Variants in RCN2 observed in about 807,000 individuals in gnomAD.
RCN2 encodes reticulocalbin 2.
RCN2 carries 23 observed loss-of-function variants against 37.5 expected under a neutral mutation model. The observed-to-expected ratio is 0.61, with a 90% CI of 0.44 to 0.87. The LOEUF (loss-of-function observed/expected upper bound fraction) is 0.87, where lower values mean the gene tolerates loss of function less well. RCN2 is among the 40% of genes least tolerant of loss of function. The pLI is 0.00. For missense variants in RCN2, 381 were observed against 390.4 expected (o/e 0.98, Z 0.20); for synonymous variants, 140 against 144.6 (o/e 0.97, Z 0.23).
intron 6 of RCN2, 79 bp from the exon 7 acceptor site, chr15:76,948,991 C>A: frequency 1.5e-6 from 2 of 1,292,394 alleles, no homozygotes; most frequent in Non-Finnish European, 1.1e-6. Context: ...ATGATTTTGA[C>A]AAGTCAAATC....
chr15:76,948,589 T>TC, intron 6 of RCN2, 37 bp downstream of exon 6: 8 of 1,469,060 alleles, frequency 5.4e-6, no homozygotes, highest in African/African-American at 1.4e-5. Flanking sequence ...CTCCACCCCC[T>TC]CCCCCCGAAT....
rs558448797 is a variant in RCN2 at position 76,951,184 on chromosome 15, A to T, written c.*1962A>T. ...TATTTCAATCCTTTGCAGAAATGCA[A>T]TGTCTGTACTACTTTCCTTCCTAGC... On this transcript the variant is annotated 3_prime_UTR_variant, in exon 7 of 7. Transcript: ENST00000394885. 6.6e-6 allele frequency: 1 copy of T among 152,402 alleles called. No homozygotes were observed. The highest frequency in any genetic ancestry group is 1.5e-5 in the Non-Finnish European group (1 of 68,038). The allele number at this position is 152,402 out of a possible 1,614,324, so 9.4% of individuals were successfully genotyped here. A position where few individuals can be genotyped will look rare whatever the true frequency, so the allele number is the denominator to read the frequency against.
At position 76,948,541 on chromosome 15, in the gene RCN2, G is replaced by A. The variant is rs751566644; in HGVS notation, c.790G>A (p.Ala264Thr). ...GGTAGTACCTAATAATCAGGGCATTGCACAAGAGGAGGTAAGTGTTACAGA... is the reference window on the plus strand; with the variant it reads ...GGTAGTACCTAATAATCAGGGCATTACACAAGAGGAGGTAAGTGTTACAGA... ...PWVVPNNQGI[A>T]QEEALHLIDE... Residue 264 changes from alanine to threonine, a missense_variant, in exon 6 of 7, where the codon GCA becomes ACA. By Grantham distance (58) the Ala-to-Thr change is moderately conservative. Coordinates refer to ENST00000394885, the MANE Select transcript of RCN2 (RefSeq NM_002902.3). 3.8e-6 allele frequency: 6 copies of A among 1,572,932 alleles called. No individual in the cohort carries two copies. The highest frequency in any genetic ancestry group is 1.8e-5 in the Admixed American group (1 of 55,072).
intron 4 of RCN2, among the ~76,000 whole-genome samples, chr15:76,945,755 A>G (rs957898368): frequency 3.3e-5 from 5 of 152,242 alleles, no homozygotes; most frequent in Admixed American, 6.5e-5. Flanking sequence ...GCTGCCTTGC[A>G]TAACAAGGCT....
chr15:76,943,640 A>G, intron 3 of RCN2, 118 bp from the exon 4 acceptor site: 2 of 607,760 alleles, frequency 3.3e-6, no homozygotes, highest in East Asian at 2.8e-5. Flanking sequence ...CTTCAAAGGG[A>G]CGATGTGAAG....
At chr15:76,936,541 T>C (rs1203926096) in intron 3 of RCN2, among the ~76,000 whole-genome samples, 1 of 152,178 alleles carries the variant, frequency 6.6e-6, no homozygotes, top group African/African-American at 2.4e-5. Flanking sequence ...ACCCCTGATC[T>C]GATAGGAGGC....
intron 3 of RCN2, chr15:76,941,903 A>G (rs993540349): frequency 3.7e-5 from 14 of 374,978 alleles, no homozygotes; most frequent in African/African-American, 2.7e-4. Context: ...AAATCAAAGC[A>G]CTTGGTATTT....
chr15:76,934,748 C>T (rs1349509529), intron 2 of RCN2, among the ~76,000 whole-genome samples: 3 of 152,132 alleles, frequency 2.0e-5, no homozygotes, highest in Non-Finnish European at 4.4e-5. Context: ...GACTTTATGT[C>T]ACCTTCATAA....
rs1275735875 is a variant in RCN2 at position 76,953,261 on chromosome 15, G to A, written c.*4039G>A. On this transcript the variant is annotated 3_prime_UTR_variant, in exon 7 of 7. Transcript: ENST00000394885. ...ATTCTAGTTTGTGTCTATTAAAATA[G>A]ACTCATATAGTATTTGTCTTTTTGT... 1 of 151,994 alleles carries A rather than the reference G, an allele frequency of 6.6e-6. No individual in the cohort carries two copies. Among genetic ancestry groups the A allele is most frequent in the Non-Finnish European group, 1.5e-5 (1 of 68,014 alleles). 9.4% of individuals were successfully genotyped at this position (151,994 alleles called of 1,614,324 possible).
At chr15:76,937,741 G>A (rs1229265588) in intron 3 of RCN2, among the ~76,000 whole-genome samples, 1 of 152,078 alleles carries the variant, frequency 6.6e-6, no homozygotes, top group African/African-American at 2.4e-5. Context: ...TTTAGTATCT[G>A]TGTGAGTTCT....
At chr15:76,938,686 A>G (rs2075263643) in intron 3 of RCN2, 9 of 452,756 alleles carry the variant, frequency 2.0e-5, no homozygotes, top group Non-Finnish European at 4.0e-5. Flanking sequence ...GTAAGCCACC[A>G]CTAACTCTAA....
At chr15:76,932,138 C>T (rs567587709) in intron 1 of RCN2, among the ~76,000 whole-genome samples, 153 bp downstream of exon 1, 13 of 152,206 alleles carry the variant, frequency 8.5e-5, no homozygotes, top group African/African-American at 3.1e-4. Context: ...CTCTGGGGGT[C>T]CTGGGGCCTG....
In RCN2 at chr15:76,948,439, G is replaced by T. The variant is rs927154815; in HGVS notation, c.688G>T (p.Val230Phe). 6.2e-7 allele frequency: 1 copy of T among 1,606,878 alleles called. No homozygotes were observed. Among genetic ancestry groups the T allele is most frequent in the Non-Finnish European group, 8.5e-7 (1 of 1,176,124 alleles). Residue 230 changes from valine to phenylalanine, a missense_variant, in exon 6 of 7, where the codon GTT becomes TTT. Coordinates refer to ENST00000394885, the MANE Select transcript of RCN2 (RefSeq NM_002902.3). ...TANEDPEWIL[V>F]EKDRFVNDYD... ...AAATGAAGATCCAGAATGGATACTT[G>T]TTGAGAAAGACAGATTCGTGAATGA... is the stretch of plus-strand genomic sequence containing the variant.
Position 76,932,402 on chromosome 15 carries a change from G to A in RCN2, c.186G>A (p.Gln62=). ...ATGTTAAACTCGGCCACGAAGAGCA[G>A]CAAAAAAGACTGCAGGCGATCATAA... ...DEYVKLGHEE[Q]QKRLQAIIKK... is the part of the protein sequence containing the mutation. Residue 62 remains glutamine (Q), a synonymous_variant, in exon 2 of 7, where the codon CAG becomes CAA. Coordinates refer to ENST00000394885, the MANE Select transcript of RCN2 (RefSeq NM_002902.3). The A allele has an allele frequency of 6.2e-7, 1 of 1,613,908 alleles. No individual in the cohort carries two copies. The highest frequency in any genetic ancestry group is 8.5e-7 in the Non-Finnish European group (1 of 1,179,888).
At chr15:76,934,868 A>T (rs905476722) in intron 2 of RCN2, among the ~76,000 whole-genome samples, 3 of 152,210 alleles carry the variant, frequency 2.0e-5, no homozygotes, top group Non-Finnish European at 2.9e-5. Context: ...AAGATTTTGG[A>T]TAACATTTTT....
At chr15:76,942,706 C>G (rs1246902421) in intron 3 of RCN2, 1 of 152,224 alleles carries the variant, frequency 6.6e-6, no homozygotes, top group Non-Finnish European at 1.5e-5. Flanking sequence ...TTTTGGGAGG[C>G]TGAGGCAGGT....
chr15:76,953,569 ATATATATATATATATATATATATATTTTT>A lies in RCN2; in HGVS notation c.*4349_*4377del. 1 of 13,648 alleles carries A rather than the reference ATATATATATATATATATATATATATTTTT, an allele frequency of 7.3e-5. No homozygotes were observed. The highest frequency in any genetic ancestry group is 1.4e-4 in the Non-Finnish European group (1 of 7,340). 0.8% of individuals were successfully genotyped at this position (13,648 alleles called of 1,614,324 possible). On this transcript the variant is annotated 3_prime_UTR_variant, in exon 7 of 7. Coordinates refer to ENST00000394885, the MANE Select transcript of RCN2 (RefSeq NM_002902.3). ...ATATAGTAATTCTATATATATATAT[ATATATATATATATATATATATATATTTTT>A]TTTTTTTTTTTTTTTTTTTTTTTTT...
At chr15:76,943,056 C>G (rs2075282171) in intron 3 of RCN2, 1 of 152,126 alleles carries the variant, frequency 6.6e-6, no homozygotes, top group Non-Finnish European at 1.5e-5. Flanking sequence ...TTTGAAAAGT[C>G]ACTTAGAGGA....
intron 2 of RCN2, among the ~76,000 whole-genome samples, chr15:76,933,830 A>G (rs2075235473): frequency 6.6e-6 from 1 of 152,134 alleles, no homozygotes; most frequent in South Asian, 2.1e-4. Flanking sequence ...AATTTTGGCA[A>G]TTTGCTCTTT....
Sources: allele counts gnomAD v4.1 joint callset (sites outside exome capture counted in the v4.1 genomes callset), GRCh38; gene constraint gnomAD v4.1.1; transcripts MANE v1.5; gene names NCBI Gene and HGNC (gene_info 2026-07-23, HGNC 2026-07-21).